The following ATP8B4 variants were observed in gnomAD, a reference collection of about 807,000 sequenced individuals.
The protein encoded by ATP8B4 is ATPase phospholipid transporting 8B4 (putative).
Under a neutral mutation model 145.6 loss-of-function variants are expected in ATP8B4, and 133 were observed. The observed-to-expected ratio is 0.91, with a 90% CI of 0.79 to 1.05. ATP8B4 has a LOEUF of 1.05. Ranked by LOEUF, ATP8B4 falls within the 50% of genes least tolerant of loss-of-function variation. The pLI is 0.00. For synonymous variants in ATP8B4, 507 were observed against 492.9 expected, an observed-to-expected ratio of 1.03 and a Z score of -0.38; for missense variants, 1,458 against 1,425.2, an observed-to-expected ratio of 1.02 and a Z score of -0.37.
intron 1 of ATP8B4, among the ~76,000 whole-genome samples, chr15:50,156,144 A>ATT (rs1384046845): frequency 2.9e-5 from 1 of 34,914 alleles, no homozygotes; most frequent in Non-Finnish European, 5.8e-5. Context: ...ATATAAATAT[A>ATT]TATATATATA....
chr15:50,055,904 C>T (rs1378385369), intron 3 of ATP8B4, among the ~76,000 whole-genome samples: 1 of 152,140 alleles, frequency 6.6e-6, no homozygotes, highest in Non-Finnish European at 1.5e-5. Context: ...ACATCTGGTA[C>T]CTCACTGATA....
At position 50,058,446 on chromosome 15, in the gene ATP8B4, T is replaced by C. The variant is rs759304107; in HGVS notation, c.88-10982A>G. The stretch of plus-strand genomic sequence containing the variant: ...TAGGCCAAATTTCAAGACCTCAGTG[T>C]TTACAACAATAAGAAAGACACAATG... On this transcript the variant is annotated intron_variant, in intron 3 of 27. Coordinates refer to ENST00000284509, the MANE Select transcript of ATP8B4 (RefSeq NM_024837.4). Among the ~76,000 whole-genome samples the C allele has an allele frequency of 3.7e-4, 56 of 152,148 alleles. 2 individuals carry two copies. The highest frequency in any genetic ancestry group is 6.8e-4 in the Non-Finnish European group (46 of 68,026).
At chr15:50,156,900 C>A (rs766880879) in intron 1 of ATP8B4, among the ~76,000 whole-genome samples, 1 of 152,116 alleles carries the variant, frequency 6.6e-6, no homozygotes, top group African/African-American at 2.4e-5. Context: ...ATAGTCTTAG[C>A]GGCTTTTAAT....
At chr15:49,990,430 A>G (rs1048799350) in intron 9 of ATP8B4, among the ~76,000 whole-genome samples, 2 of 152,218 alleles carry the variant, frequency 1.3e-5, no homozygotes, top group African/African-American at 2.4e-5. Flanking sequence ...AAATCACGTC[A>G]ATAATGAAGT....
At chr15:49,997,202 T>C (rs529575457) in intron 8 of ATP8B4, among the ~76,000 whole-genome samples, 1 of 152,160 alleles carries the variant, frequency 6.6e-6, no homozygotes, top group South Asian at 2.1e-4. Flanking sequence ...GAAATTTAAA[T>C]GGGAAAGGGA....
In ATP8B4 at chr15:50,149,324, C is replaced by T. The variant is rs1417224503; in HGVS notation, c.-43+32937G>A. Among the ~76,000 whole-genome samples the T allele has an allele frequency of 2.6e-5, 4 of 152,150 alleles. No individual in the cohort carries two copies. In the East Asian group the frequency reaches 7.7e-4, roughly 29 times the overall value. On this transcript the variant is annotated intron_variant, in intron 1 of 3. Transcript: ENST00000558829. ...ATAGGCCAGAAGTTAGAAAGGAGAT[C>T]CTAGTATCACTGGTAGAGTCTGATC...
intron 2 of ATP8B4, among the ~76,000 whole-genome samples, chr15:50,074,900 T>G (rs1016996997): frequency 2.6e-5 from 4 of 152,288 alleles, no homozygotes; most frequent in African/African-American, 4.8e-5. Flanking sequence ...TAGCAAGCTC[T>G]TGCTCCATGT....
rs529682527 is a variant in ATP8B4, at chr15:50,071,563, A to C, written c.87+2564T>G. Reference sequence around the variant, plus strand: ...ATTTTTCTCAAGGTCTTAAATATACATGTATCTAGCTCTCTGATTTGGGAC... The same window carrying C: ...ATTTTTCTCAAGGTCTTAAATATACCTGTATCTAGCTCTCTGATTTGGGAC... On this transcript the variant is annotated intron_variant, in intron 3 of 27. Coordinates refer to ENST00000284509, the MANE Select transcript of ATP8B4 (RefSeq NM_024837.4). Among the ~76,000 whole-genome samples the C allele has an allele frequency of 2.6e-5, 4 of 152,346 alleles. No individual in the cohort carries two copies. The South Asian group carries it at 8.3e-4, about 32-fold the overall frequency.
Position 49,866,339 on chromosome 15 carries a change from C to T in ATP8B4, c.3166+7G>A. The stretch of plus-strand genomic sequence containing the variant: ...CTAGGTTCCACTAGTCAACATGACT[C>T]ACTTACCAACAAATGGAAACTGGTT... On this transcript the variant is annotated splice_region_variant and intron_variant, in intron 26 of 27. Transcript: ENST00000284509. The T allele has an allele frequency of 6.2e-7, 1 of 1,613,502 alleles. No individual in the cohort carries two copies. Among genetic ancestry groups the T allele is most frequent in the South Asian group, 1.1e-5 (1 of 91,028 alleles).
intron 23 of ATP8B4, chr15:49,894,932 A>G (rs1298469272): frequency 6.6e-6 from 1 of 152,214 alleles, no homozygotes; most frequent in Non-Finnish European, 1.5e-5. Context: ...TGTATCGATG[A>G]GTTAGATGTA....
chr15:50,133,460 C>T (rs60809271), intron 1 of ATP8B4, among the ~76,000 whole-genome samples: 1 of 151,750 alleles, frequency 6.6e-6, no homozygotes, highest in Admixed American at 6.6e-5. Flanking sequence ...TGGCATGTGC[C>T]TGTAGTCCCA....
At chr15:49,908,007 C>T (rs1345921325) in intron 20 of ATP8B4, 3 of 455,636 alleles carry the variant, frequency 6.6e-6, no homozygotes, top group East Asian at 1.4e-4. Flanking sequence ...GATTCACATC[C>T]CACCTGAACC....
chr15:50,010,797 T>C (rs776381515), intron 7 of ATP8B4, 48 bp downstream of exon 7: 18 of 1,259,692 alleles, frequency 1.4e-5, no homozygotes, highest in Non-Finnish European at 1.9e-5. Context: ...TCCATATATA[T>C]GCTACTTTAA....
At chr15:50,023,228 T>C (rs2049726072) in intron 6 of ATP8B4, among the ~76,000 whole-genome samples, 1 of 152,222 alleles carries the variant, frequency 6.6e-6, no homozygotes, top group Admixed American at 6.5e-5. Flanking sequence ...TAAATATATG[T>C]ATAAATAATC....
At chr15:50,052,588 G>A (rs1427699371) in intron 3 of ATP8B4, among the ~76,000 whole-genome samples, 3 of 152,240 alleles carry the variant, frequency 2.0e-5, no homozygotes, top group Non-Finnish European at 4.4e-5. Flanking sequence ...GGCCCATCGG[G>A]TCAATGACTT....
intron 2 of ATP8B4, among the ~76,000 whole-genome samples, chr15:50,088,850 CTAGA>C (rs1422464412): frequency 1.3e-4 from 20 of 152,176 alleles, no homozygotes; most frequent in African/African-American, 4.8e-4. Flanking sequence ...GGATGGATGG[CTAGA>C]TAGATGAATG....
chr15:49,965,489 C>A (rs1017953945), intron 13 of ATP8B4, among the ~76,000 whole-genome samples: 1 of 151,816 alleles, frequency 6.6e-6, no homozygotes, highest in African/African-American at 2.4e-5. Flanking sequence ...GTGCTCTCAG[C>A]AGAAGGAACA....
At chr15:50,074,321 C>T (rs570397787) in intron 2 of ATP8B4, 136 bp from the exon 3 acceptor site, 1 of 739,632 alleles carries the variant, frequency 1.4e-6, no homozygotes, top group Non-Finnish European at 2.2e-6. Context: ...AAGGTATTGG[C>T]TTTTTCCAGT....
chr15:50,015,402 CCAAGGT>C (rs2049015580), intron 6 of ATP8B4, among the ~76,000 whole-genome samples: 1 of 152,194 alleles, frequency 6.6e-6, no homozygotes, highest in Non-Finnish European at 1.5e-5. Flanking sequence ...GAAAACTTGG[CCAAGGT>C]CACATATAAG....
Sources: gnomAD v4.1 joint callset for allele counts (sites outside exome capture counted in the v4.1 genomes callset) on GRCh38, gnomAD v4.1.1 for gene constraint, MANE v1.5 for transcripts, NCBI Gene and HGNC (gene_info 2026-07-23, HGNC 2026-07-21) for gene names.